The following TLN2 variants were observed in gnomAD, a reference collection of about 807,000 sequenced individuals.
TLN2 encodes talin-2.
Under a neutral mutation model 294.7 loss-of-function variants are expected in TLN2, and 118 were observed. That is an observed-to-expected ratio of 0.40 (90% CI 0.34 to 0.47). TLN2 has a LOEUF of 0.47. Ranked by LOEUF, TLN2 falls within the 20% of genes least tolerant of loss-of-function variation. TLN2 has a pLI of 0.84. For synonymous variants in TLN2, 1,431 were observed against 1,304.5 expected (o/e 1.10, Z -2.09); for missense variants, 3,083 against 3,282.2 (o/e 0.94, Z 1.48).
intron 9 of TLN2, among the ~76,000 whole-genome samples, chr15:62,661,485 G>C: frequency 6.6e-6 from 1 of 152,154 alleles, no homozygotes; most frequent in Non-Finnish European, 1.5e-5. Flanking sequence ...AGGGGTAGGA[G>C]GGAAGAAATG....
chr15:62,627,180 C>A (rs972553301), intron 3 of TLN2, among the ~76,000 whole-genome samples: 2 of 152,124 alleles, frequency 1.3e-5, no homozygotes, highest in African/African-American at 2.4e-5. Flanking sequence ...AGTAGTTAGG[C>A]CATTTTGTTT....
intron 28 of TLN2, among the ~76,000 whole-genome samples, chr15:62,732,125 A>G (rs2060763423): frequency 6.6e-6 from 1 of 152,216 alleles, no homozygotes; most frequent in Non-Finnish European, 1.5e-5. Context: ...TAAAATTCTT[A>G]GAAAATCATA....
At chr15:62,594,848 CAA>C (rs1555440276) in intron 2 of TLN2, among the ~76,000 whole-genome samples, 1 of 152,084 alleles carries the variant, frequency 6.6e-6, no homozygotes. Context: ...GCTTAGGAAA[CAA>C]GAGTGAGGAG....
intron 2 of TLN2, among the ~76,000 whole-genome samples, chr15:62,594,364 C>T (rs750017399): frequency 3.9e-5 from 6 of 152,124 alleles, no homozygotes; most frequent in Non-Finnish European, 8.8e-5. Context: ...TGTGCCACCA[C>T]GCCCAGCTAA....
rs140218457 is a variant in TLN2 at position 62,458,577 on chromosome 15, G to C, written c.-238+67892G>C. Among the ~76,000 whole-genome samples, 367 of 142,504 alleles carry C rather than the reference G, an allele frequency of 2.6e-3. 5 individuals are homozygous for C. Among genetic ancestry groups the C allele is most frequent in the African/African-American group, 9.0e-3 (349 of 38,576 alleles). The allele number at this position is 142,504 out of a possible 152,430, so 93.5% of individuals were successfully genotyped here. Reference sequence around the variant, plus strand: ...GTATCTTCTTGAGGGGGCAGCCTGGGGAACATGGCAAAACCTCGTCTCTAC... The same window carrying C: ...GTATCTTCTTGAGGGGGCAGCCTGGCGAACATGGCAAAACCTCGTCTCTAC... On this transcript the variant is annotated intron_variant, in intron 1 of 58. Transcript: ENST00000636159.
chr15:62,701,851 C>T (rs1362271500), intron 17 of TLN2, 141 bp from the exon 18 acceptor site: 1 of 931,970 alleles, frequency 1.1e-6, no homozygotes, highest in Non-Finnish European at 1.6e-6. Context: ...GGGAGCAGGC[C>T]AGCTCACTGT....
At chr15:62,396,382 G>A (rs16944961) in intron 1 of TLN2, among the ~76,000 whole-genome samples, 5,240 of 152,300 alleles carry the variant, frequency 0.034, 308 homozygotes, top group African/African-American at 0.12. Flanking sequence ...AGACTGGGAA[G>A]TATCACGCTT....
chr15:62,787,591 C>G (rs888726064), intron 45 of TLN2, among the ~76,000 whole-genome samples: 1 of 151,690 alleles, frequency 6.6e-6, no homozygotes, highest in African/African-American at 2.4e-5. Flanking sequence ...ACATTCCTTT[C>G]TAATAAACAC....
Position 62,448,212 on chromosome 15 carries a change from T to C in TLN2, c.-238+57527T>C, listed in dbSNP as rs931702039. ...GTTGTCCTGGGGAAGGCTTGGGTGA[T>C]CTATGTGCTATCCGCTGCAGTCCAC... On this transcript the variant is annotated intron_variant, in intron 1 of 58. Coordinates refer to ENST00000636159, the MANE Select transcript of TLN2 (RefSeq NM_015059.3). 9.2e-5 allele frequency among the ~76,000 whole-genome samples: 14 copies of C among 152,184 alleles called. No individual in the cohort carries two copies. In the East Asian group the frequency reaches 2.3e-3, roughly 25 times the overall value.
chr15:62,429,899 C>T (rs114202454), intron 1 of TLN2, among the ~76,000 whole-genome samples: 1 of 152,142 alleles, frequency 6.6e-6, no homozygotes, highest in Admixed American at 6.5e-5. Flanking sequence ...TCCTTTCAGC[C>T]TGTACGTGAC....
intron 2 of TLN2, among the ~76,000 whole-genome samples, chr15:62,598,441 T>C (rs975060401): frequency 3.9e-5 from 6 of 152,120 alleles, no homozygotes; most frequent in Admixed American, 6.5e-5. Context: ...GTGTGCCTTA[T>C]GGCCAGGAGC....
chr15:62,406,986 C>A lies in TLN2; in HGVS notation c.-238+16301C>A, dbSNP rs289143. ...TTTGGGATGGGGGGTACAATTCAAC[C>A]TGTAACACAAATTGTCAGACTGCCT... On this transcript the variant is annotated intron_variant, in intron 1 of 58. Coordinates refer to ENST00000636159, the MANE Select transcript of TLN2 (RefSeq NM_015059.3). Among the ~76,000 whole-genome samples the A allele has an allele frequency of 2.4e-4, 37 of 152,056 alleles. 1 individual carries two copies. The highest frequency in any genetic ancestry group is 4.6e-4 in the Admixed American group (7 of 15,294).
At chr15:62,702,703 A>C in intron 18 of TLN2, 63 bp from the exon 19 acceptor site, 1 of 1,506,990 alleles carries the variant, frequency 6.6e-7, no homozygotes, top group Non-Finnish European at 9.2e-7. Context: ...CTGTACTTCC[A>C]TGTCTGATGG....
At chr15:62,704,190 A>G (rs769669927) in intron 19 of TLN2, among the ~76,000 whole-genome samples, 8 of 152,134 alleles carry the variant, frequency 5.3e-5, no homozygotes, top group Non-Finnish European at 8.8e-5. Flanking sequence ...AGAAATCACA[A>G]AAAATTACGA....
chr15:62,681,823 C>G (rs1245821763), intron 11 of TLN2, among the ~76,000 whole-genome samples: 1 of 152,200 alleles, frequency 6.6e-6, no homozygotes, highest in East Asian at 1.9e-4. Context: ...CACGATCTCA[C>G]TCTGTCACCC....
chr15:62,694,532 C>A (rs1487794350), intron 14 of TLN2, 140 bp downstream of exon 14: 1 of 666,230 alleles, frequency 1.5e-6, no homozygotes, highest in South Asian at 2.0e-5. Flanking sequence ...CTTCTTCAAG[C>A]GTGGTCCCCA....
At chr15:62,420,006 C>T (rs557874280) in intron 1 of TLN2, among the ~76,000 whole-genome samples, 41 of 152,326 alleles carry the variant, frequency 2.7e-4, no homozygotes, top group African/African-American at 9.1e-4. Context: ...TGCCAGGGCT[C>T]TTTGAGATTC....
chr15:62,434,421 C>T (rs986296850), intron 1 of TLN2, among the ~76,000 whole-genome samples: 3 of 152,184 alleles, frequency 2.0e-5, no homozygotes, highest in Non-Finnish European at 4.4e-5. Flanking sequence ...TTTTAACTGG[C>T]TCCCTATTGA....
Position 62,711,810 on chromosome 15 carries a change from T to G in TLN2, c.2468-101T>G, listed in dbSNP as rs114078345. ...CATGGAGGTTCAGTTTTTTTGCTCC[T>G]GCTTACCAGAGGAGTAGAGACAAGA... On this transcript the variant is annotated intron_variant, in intron 21 of 58. Transcript: ENST00000636159. 2.3e-3 allele frequency: 3,120 copies of G among 1,367,048 alleles called. 58 individuals carry two copies. In the African/African-American group the frequency reaches 0.04, roughly 18 times the overall value. 84.7% of individuals were successfully genotyped at this position (1,367,048 alleles called of 1,614,324 possible). A position where few individuals can be genotyped will look rare whatever the true frequency, so the allele number is the denominator to read the frequency against.
Sources: allele counts gnomAD v4.1 joint callset (sites outside exome capture counted in the v4.1 genomes callset), GRCh38; gene constraint gnomAD v4.1.1; transcripts MANE v1.5; gene names NCBI Gene and HGNC (gene_info 2026-07-23, HGNC 2026-07-21).